The following LDB2 variants were observed in gnomAD, a reference collection of about 807,000 sequenced individuals.
The protein encoded by LDB2 is LIM domain-binding protein 2.
Under a neutral mutation model 44.3 loss-of-function variants are expected in LDB2, and 12 were observed. The observed-to-expected ratio is 0.27, with a 90% CI of 0.17 to 0.44. The LOEUF (loss-of-function observed/expected upper bound fraction) is 0.44, where lower values mean the gene tolerates loss of function less well. LDB2 is among the 20% of genes least tolerant of loss of function. The probability of loss-of-function intolerance (pLI) is 1.00; values close to 1 mark genes in which losing one functional copy is unlikely to be tolerated. For missense variants in LDB2, 344 were observed against 473.5 expected, an observed-to-expected ratio of 0.73 and a Z score of 2.54; for synonymous variants, 164 against 174.8, an observed-to-expected ratio of 0.94 and a Z score of 0.49.
chr4:16,875,398 G>A (rs542636498), intron 1 of LDB2, among the ~76,000 whole-genome samples: 7 of 151,912 alleles, frequency 4.6e-5, no homozygotes, highest in South Asian at 2.1e-4. Context: ...GGCCTACTCC[G>A]GACCAACTGA....
At chr4:16,668,830 C>T (rs924465687) in intron 2 of LDB2, among the ~76,000 whole-genome samples, 2 of 152,178 alleles carry the variant, frequency 1.3e-5, no homozygotes, top group Admixed American at 6.5e-5. Context: ...CTCACCTCTG[C>T]CTTAGTTCAT....
intron 5 of LDB2, among the ~76,000 whole-genome samples, chr4:16,513,386 G>T (rs1722533943): frequency 6.6e-6 from 1 of 152,162 alleles, no homozygotes. Context: ...TCCTTCTGCT[G>T]TATGGACTCA....
At chr4:16,603,419 C>T (rs1430560597) in intron 2 of LDB2, among the ~76,000 whole-genome samples, 1 of 152,148 alleles carries the variant, frequency 6.6e-6, no homozygotes, top group Admixed American at 6.5e-5. Context: ...GCAGAAGCAA[C>T]AGCATTAGTT....
intron 2 of LDB2, among the ~76,000 whole-genome samples, chr4:16,669,016 C>T (rs1291292894): frequency 6.6e-6 from 1 of 152,154 alleles, no homozygotes; most frequent in South Asian, 2.1e-4. Flanking sequence ...GGGGTCAATC[C>T]CCCTGAGCTT....
At chr4:16,636,306 A>G (rs887211715) in intron 2 of LDB2, among the ~76,000 whole-genome samples, 1 of 152,196 alleles carries the variant, frequency 6.6e-6, no homozygotes, top group African/African-American at 2.4e-5. Context: ...GTGGAAAAAA[A>G]GCCTTTATCA....
intron 1 of LDB2, among the ~76,000 whole-genome samples, chr4:16,824,153 C>G (rs182958882): frequency 8.5e-5 from 13 of 152,128 alleles, no homozygotes; most frequent in African/African-American, 3.1e-4. Flanking sequence ...GGCAGACCAC[C>G]GTCCTTTGGT....
At chr4:16,868,879 G>A (rs1715578943) in intron 1 of LDB2, among the ~76,000 whole-genome samples, 1 of 152,104 alleles carries the variant, frequency 6.6e-6, no homozygotes, top group African/African-American at 2.4e-5. Context: ...CAATGATTTT[G>A]GTGATGATGA....
intron 2 of LDB2, among the ~76,000 whole-genome samples, chr4:16,677,375 A>G (rs948837799): frequency 1.3e-5 from 2 of 152,250 alleles, no homozygotes; most frequent in African/African-American, 4.8e-5. Flanking sequence ...TCAACAAAAC[A>G]GAAGGGAGAA....
intron 1 of LDB2, among the ~76,000 whole-genome samples, chr4:16,872,222 A>G (rs9998599): frequency 0.92 from 139,858 of 152,058 alleles, 64,450 homozygotes; most frequent in African/African-American, 0.98. Flanking sequence ...ACTCAGGGAC[A>G]TCTTCTTTGA....
chr4:16,660,781 C>T (rs1210291313), intron 2 of LDB2, among the ~76,000 whole-genome samples: 3 of 152,142 alleles, frequency 2.0e-5, no homozygotes, highest in Admixed American at 6.5e-5. Flanking sequence ...TAGTCAGTGA[C>T]CCCAGTGAAG....
chr4:16,518,804 G>C (rs1323379597), intron 5 of LDB2, among the ~76,000 whole-genome samples: 1 of 152,194 alleles, frequency 6.6e-6, no homozygotes, highest in Non-Finnish European at 1.5e-5. Flanking sequence ...ACTTTATTGA[G>C]AAAGTTTTGC....
chr4:16,896,532 C>T (rs1051331451), intron 1 of LDB2, among the ~76,000 whole-genome samples: 1 of 152,060 alleles, frequency 6.6e-6, no homozygotes, highest in Non-Finnish European at 1.5e-5. Flanking sequence ...GCCTGTGTTC[C>T]TAACTGCAGG....
chr4:16,790,277 A>G (rs1217422362), intron 1 of LDB2, among the ~76,000 whole-genome samples: 5 of 152,218 alleles, frequency 3.3e-5, no homozygotes, highest in Admixed American at 3.3e-4. Flanking sequence ...ATTCAAACTC[A>G]GGTCTGCATG....
intron 2 of LDB2, among the ~76,000 whole-genome samples, chr4:16,725,514 T>C (rs896856669): frequency 2.0e-5 from 3 of 152,100 alleles, no homozygotes; most frequent in African/African-American, 7.2e-5. Context: ...AACAATAGCT[T>C]CTGTAACAAT....
At chr4:16,838,235 G>A (rs746824258) in intron 1 of LDB2, among the ~76,000 whole-genome samples, 3 of 152,130 alleles carry the variant, frequency 2.0e-5, no homozygotes, top group Admixed American at 6.5e-5. Flanking sequence ...CAGGTCCTAC[G>A]CTAGGAGAGG....
intron 1 of LDB2, chr4:16,888,721 C>T (rs544908216): frequency 5.3e-5 from 52 of 984,320 alleles, no homozygotes; most frequent in Non-Finnish European, 6.2e-5. Flanking sequence ...TCGTCGTCAT[C>T]GTCGTCATCA....
At chr4:16,828,991 G>A (rs1454464548) in intron 1 of LDB2, among the ~76,000 whole-genome samples, 10 of 152,184 alleles carry the variant, frequency 6.6e-5, no homozygotes, top group East Asian at 5.8e-4. Context: ...GGTGAAGCAC[G>A]GGATTGGTAA....
chr4:16,616,020 A>C (rs528682958), intron 2 of LDB2, among the ~76,000 whole-genome samples: 79 of 152,272 alleles, frequency 5.2e-4, no homozygotes, highest in African/African-American at 1.9e-3. Context: ...ATGGTATAAA[A>C]CCATCCATGA....
At chr4:16,732,170 C>T (rs1042709995) in intron 2 of LDB2, among the ~76,000 whole-genome samples, 2 of 152,144 alleles carry the variant, frequency 1.3e-5, no homozygotes, top group Admixed American at 6.5e-5. Flanking sequence ...TCAAGACACC[C>T]GGCTTTATGA....
Sources: gnomAD v4.1 joint callset for allele counts (sites outside exome capture counted in the v4.1 genomes callset) on GRCh38, gnomAD v4.1.1 for gene constraint, MANE v1.5 for transcripts, NCBI Gene and HGNC (gene_info 2026-07-23, HGNC 2026-07-21) for gene names.